Variants in PHACTR2 observed in about 807,000 individuals in gnomAD.
PHACTR2 encodes chromosome 6 open reading frame 56.
PHACTR2 carries 30 observed loss-of-function variants against 76.0 expected under a neutral mutation model. The ratio of observed to expected loss-of-function variants is 0.39; its 90% CI spans 0.30 to 0.54. PHACTR2 has a LOEUF of 0.54. Among genes scored for constraint, PHACTR2 ranks in the 20% least tolerant of loss-of-function variants. PHACTR2 has a pLI of 0.61. For synonymous variants in PHACTR2, 292 were observed against 292.5 expected (o/e 1.00, Z 0.02); for missense variants, 696 against 781.1 (o/e 0.89, Z 1.30).
At chr6:143,768,037 C>T (rs554523080) in intron 6 of PHACTR2, among the ~76,000 whole-genome samples, 38 of 142,922 alleles carry the variant, frequency 2.7e-4, no homozygotes, top group Non-Finnish European at 5.5e-4. Flanking sequence ...GGGGTTTCAC[C>T]ATATAGGCCA....
rs745717400 is a variant in PHACTR2, at chr6:143,553,130, G to C, written c.217+15923G>C. Among the ~76,000 whole-genome samples, 2 of 152,134 alleles carry C rather than the reference G, an allele frequency of 1.3e-5. No individual in the cohort carries two copies. Among genetic ancestry groups the C allele is most frequent in the Non-Finnish European group, 2.9e-5 (2 of 68,036 alleles). ...TGCACCACTCTTGACCCATCAACAA[G>C]GTTCAGCAAGTATTTACTGAGTCTC... On this transcript the variant is annotated intron_variant, in intron 1 of 11. Transcript: ENST00000367584. This position sits in a 1 kb window ranked among gnomAD's most constrained non-coding sequence, Gnocchi z 4.2.
chr6:143,594,674 G>A (rs780363661), intron 1 of PHACTR2, among the ~76,000 whole-genome samples: 3 of 152,230 alleles, frequency 2.0e-5, no homozygotes, highest in Non-Finnish European at 2.9e-5. Flanking sequence ...TTATGGTCCA[G>A]GGAGCAAGCC....
chr6:143,608,021 A>AT (rs898668880), upstream of PHACTR2, among the ~76,000 whole-genome samples: 12 of 152,008 alleles, frequency 7.9e-5, no homozygotes, highest in Admixed American at 2.0e-4. This position sits in a 1 kb window ranked among gnomAD's most constrained non-coding sequence, Gnocchi z 4.6. Flanking sequence ...CATTGCAGTG[A>AT]TTTTTTTCCC....
At chr6:143,749,251 A>G (rs1157980473) in intron 3 of PHACTR2, among the ~76,000 whole-genome samples, 186 bp downstream of exon 3, 1 of 152,156 alleles carries the variant, frequency 6.6e-6, no homozygotes, top group East Asian at 1.9e-4. Flanking sequence ...ATATTATAGA[A>G]TTCTAGTGAC....
Position 143,597,526 on chromosome 6 carries a change from A to G in PHACTR2, c.217+60319A>G, listed in dbSNP as rs755994097. 2.6e-5 allele frequency among the ~76,000 whole-genome samples: 4 copies of G among 152,202 alleles called. No homozygotes were observed. Among genetic ancestry groups the G allele is most frequent in the Non-Finnish European group, 5.9e-5 (4 of 68,032 alleles). ...TGGAATAAGGTGTATTACATATGTCATCTTTGCAGAGTTCAGTTGTAATTT... is the reference window on the plus strand; with the variant it reads ...TGGAATAAGGTGTATTACATATGTCGTCTTTGCAGAGTTCAGTTGTAATTT... On this transcript the variant is annotated intron_variant, in intron 1 of 11. Transcript: ENST00000367584. This position sits in a 1 kb window ranked among gnomAD's most constrained non-coding sequence, Gnocchi z 5.7.
rs1230986908 is a variant in PHACTR2, at chr6:143,816,500, C to T, written c.1923-7174C>T. On this transcript the variant is annotated intron_variant, in intron 12 of 12. Transcript: ENST00000440869. This position sits in a 1 kb window ranked among gnomAD's most constrained non-coding sequence, Gnocchi z 4.5. ...TTTTTACCGAATCTGGGCAATCTAT[C>T]TAAAGAGGGGTCATAGTTCTGACCT... is the stretch of plus-strand genomic sequence containing the variant. 6.6e-6 allele frequency among the ~76,000 whole-genome samples: 1 copy of T among 152,080 alleles called. No homozygotes were observed. Among genetic ancestry groups the T allele is most frequent in the African/African-American group, 2.4e-5 (1 of 41,386 alleles).
In PHACTR2 at chr6:143,788,838, A is replaced by G; in HGVS notation, c.1773A>G (p.Val591=). Reference sequence around the variant, plus strand: ...GGATCCTGCGATTTAACGAGTATGTAGAAGTCACGGATTCTCCTGACTATG... The same window carrying G: ...GGATCCTGCGATTTAACGAGTATGTGGAAGTCACGGATTCTCCTGACTATG... ...ARRILRFNEY[V]EVTDSPDYDR... is the part of the protein sequence containing the mutation. The change falls in exon 11 of 13, where the codon GTA becomes GTG. Residue 591 remains valine (V), a synonymous_variant. Transcript: ENST00000440869. 1 of 1,613,856 alleles carries G rather than the reference A, an allele frequency of 6.2e-7. No individual in the cohort carries two copies. Among genetic ancestry groups the G allele is most frequent in the South Asian group, 1.1e-5 (1 of 91,076 alleles).
In PHACTR2 at chr6:143,679,047, T is replaced by C. The variant is rs1428738624; in HGVS notation, c.46+838T>C. 6.6e-6 allele frequency among the ~76,000 whole-genome samples: 1 copy of C among 152,132 alleles called. No homozygotes were observed. The highest frequency in any genetic ancestry group is 1.5e-5 in the Non-Finnish European group (1 of 68,020). ...TCCATCAACGATTAAAAATAAATAA[T>C]ACTCGAAGGGACCGTTTATGTTACT... On this transcript the variant is annotated intron_variant, in intron 1 of 12. Transcript: ENST00000440869. This position sits in a 1 kb window ranked among gnomAD's most constrained non-coding sequence, Gnocchi z 4.6.
intron 1 of PHACTR2, among the ~76,000 whole-genome samples, chr6:143,577,470 A>G (rs1297041367): frequency 6.6e-6 from 1 of 152,216 alleles, no homozygotes; most frequent in Non-Finnish European, 1.5e-5. Context: ...AGATTATGTA[A>G]GATTTTGACT....
In PHACTR2 at chr6:143,602,280, C is replaced by G. The variant is rs528370860; in HGVS notation, c.217+65073C>G. Reference sequence around the variant, plus strand: ...TCAATTTTGAGGGCATACTGCCGATCCAGTATTTAGGGACCCACGTGAAGC... The same window carrying G: ...TCAATTTTGAGGGCATACTGCCGATGCAGTATTTAGGGACCCACGTGAAGC... On this transcript the variant is annotated intron_variant, in intron 1 of 11. Coordinates refer to the PHACTR2 transcript ENST00000367584. This position sits in a 1 kb window ranked among gnomAD's most constrained non-coding sequence, Gnocchi z 6.1. 5.3e-5 allele frequency among the ~76,000 whole-genome samples: 8 copies of G among 152,294 alleles called. No individual in the cohort carries two copies. Among genetic ancestry groups the G allele is most frequent in the South Asian group, 2.1e-4 (1 of 4,822 alleles).
chr6:143,796,329 C>T (rs184726706), intron 11 of PHACTR2, among the ~76,000 whole-genome samples: 1 of 152,254 alleles, frequency 6.6e-6, no homozygotes, highest in Admixed American at 6.5e-5. Flanking sequence ...AATTCTGGCC[C>T]CACAGCTCAT....
chr6:143,669,573 A>G (rs148060063), intron 1 of PHACTR2, among the ~76,000 whole-genome samples: 252 of 152,308 alleles, frequency 1.7e-3, no homozygotes, highest in African/African-American at 5.5e-3. Flanking sequence ...TTGTGCATAT[A>G]TATTTAGGAT....
rs756855034 is a variant in PHACTR2 at position 143,747,003 on chromosome 6, AG to A, written c.215-1981del. Among the ~76,000 whole-genome samples, 10 of 152,236 alleles carry A rather than the reference AG, an allele frequency of 6.6e-5. No homozygotes were observed. In the South Asian group the frequency reaches 2.1e-3, roughly 32 times the overall value. ...TGTGTATGTCTCCTTTTTAACCCAA[AG>A]CTGTTCGTTGTCATTCTTTTGACCA... On this transcript the variant is annotated intron_variant, in intron 2 of 12. Transcript: ENST00000440869.
intron 11 of PHACTR2, among the ~76,000 whole-genome samples, chr6:143,797,858 C>G (rs1346355558): frequency 6.6e-6 from 1 of 152,014 alleles, no homozygotes; most frequent in Non-Finnish European, 1.5e-5. Context: ...TCCTTCTTGC[C>G]CAGGATTGTC....
At position 143,672,527 on chromosome 6, in the gene PHACTR2, C is replaced by A. The variant is rs9496726; in HGVS notation, c.14-39489C>A. Reference sequence around the variant, plus strand: ...AACAAATACAGTTAATTCTGACCACCTACTATTAGAATTTAATCTTTCTTT... The same window carrying A: ...AACAAATACAGTTAATTCTGACCACATACTATTAGAATTTAATCTTTCTTT... On this transcript the variant is annotated intron_variant, in intron 1 of 11. Coordinates refer to the PHACTR2 transcript ENST00000305766. This position sits in a 1 kb window ranked among gnomAD's most constrained non-coding sequence, Gnocchi z 5.8. 0.067 allele frequency among the ~76,000 whole-genome samples: 10,125 copies of A among 152,068 alleles called. 1,093 individuals carry two copies. The highest frequency in any genetic ancestry group is 0.23 in the African/African-American group (9,444 of 41,436).
In PHACTR2 at chr6:143,760,637, G is replaced by A; in HGVS notation, c.691G>A (p.Ala231Thr). ...AGCAAGCCGAAACACGACCCGAGAG[G>A]CTGGTGAGTATGCCCCCAGTGCCCT... ...KPASRNTTRE[A>T]AGSSHSKKTT... Residue 231 changes from alanine to threonine, a missense_variant, in exon 5 of 13, where the codon GCT becomes ACT. Coordinates refer to ENST00000440869, the MANE Select transcript of PHACTR2 (RefSeq NM_001100164.2). This position sits in a 1 kb window ranked among gnomAD's most constrained non-coding sequence, Gnocchi z 6.4. 6.2e-7 allele frequency: 1 copy of A among 1,613,862 alleles called. No individual in the cohort carries two copies. Among genetic ancestry groups the A allele is most frequent in the South Asian group, 1.1e-5 (1 of 91,070 alleles).
At chr6:143,605,612 C>T (rs562086964), upstream of PHACTR2, among the ~76,000 whole-genome samples, 11 of 152,276 alleles carry the variant, frequency 7.2e-5, no homozygotes, top group African/African-American at 1.7e-4. This position sits in a 1 kb window ranked among gnomAD's most constrained non-coding sequence, Gnocchi z 5.0. Flanking sequence ...GTTAGGTCCT[C>T]GGCAATGAAT....
rs754502417 is a variant in PHACTR2, at chr6:143,550,735, A to AAAAC, written c.217+13540_217+13543dup. On this transcript the variant is annotated intron_variant, in intron 1 of 11. Transcript: ENST00000367584. The surrounding 1 kb of genome is among the most constrained non-coding windows in gnomAD (Gnocchi z 4.8). ...AGATTTAAAAAAACAAACAACAACA[A>AAAAC]AAACAAACAAACAAAGATTAGGGGC... 2.0e-5 allele frequency among the ~76,000 whole-genome samples: 3 copies of AAAAC among 152,052 alleles called. No homozygotes were observed. The highest frequency in any genetic ancestry group is 4.4e-5 in the Non-Finnish European group (3 of 67,974).
Position 143,663,807 on chromosome 6 carries a change from TA to T in PHACTR2, c.14-48208del, listed in dbSNP as rs1194924398. ...TGGTCAGAGATCAGGGATTACTTAATATGAATTACTTAAAATTTATTGAGAT... is the reference window on the plus strand; with the variant it reads ...TGGTCAGAGATCAGGGATTACTTAATTGAATTACTTAAAATTTATTGAGAT... On this transcript the variant is annotated intron_variant, in intron 1 of 11. Coordinates refer to the PHACTR2 transcript ENST00000305766. This position sits in a 1 kb window ranked among gnomAD's most constrained non-coding sequence, Gnocchi z 4.1. Among the ~76,000 whole-genome samples the T allele has an allele frequency of 2.0e-5, 3 of 152,202 alleles. No individual in the cohort carries two copies. Among genetic ancestry groups the T allele is most frequent in the Admixed American group, 2.0e-4 (3 of 15,280 alleles).
Sources: allele counts gnomAD v4.1 joint callset (sites outside exome capture counted in the v4.1 genomes callset), GRCh38; gene constraint gnomAD v4.1.1; non-coding constraint Gnocchi (gnomAD v3.1); transcripts MANE v1.5; gene names NCBI Gene and HGNC (gene_info 2026-07-23, HGNC 2026-07-21).